UMAD1: variants seen among roughly 807,000 people sequenced by gnomAD.
UMAD1 encodes UBAP1-MVB12-associated (UMA) domain containing 1, also known as UBAP1-MVB12-associated (UMA)-domain containing protein 1.
In UMAD1, 8 loss-of-function variants were observed where a neutral mutation model predicts 6.1. The ratio of observed to expected loss-of-function variants is 1.30; its 90% CI spans 0.76 to 2.35. The LOEUF (loss-of-function observed/expected upper bound fraction) is 2.35, where lower values mean the gene tolerates loss of function less well. UMAD1 is among the 30% of genes most tolerant of loss of function. The pLI is 0.00. For missense variants in UMAD1, 130 were observed against 78.4 expected (o/e 1.66, Z -2.49); for synonymous variants, 56 against 31.4 (o/e 1.78, Z -2.61).
chr7:7,874,009 C>A (rs1274894772), intron 3 of UMAD1, among the ~76,000 whole-genome samples: 1 of 152,180 alleles, frequency 6.6e-6, no homozygotes, highest in Admixed American at 6.5e-5. Context: ...CTGATGTCCG[C>A]TAGGCACTGA....
chr7:7,798,214 C>G (rs1047529446), intron 2 of UMAD1, among the ~76,000 whole-genome samples: 1 of 152,164 alleles, frequency 6.6e-6, no homozygotes, highest in African/African-American at 2.4e-5. Context: ...CTATCTGACC[C>G]TTTACAAAAA....
rs571766505 is a variant in UMAD1 at position 7,830,800 on chromosome 7, A to G, written c.156+29057A>G. 6.6e-6 allele frequency among the ~76,000 whole-genome samples: 1 copy of G among 152,286 alleles called. No homozygotes were observed. The highest frequency in any genetic ancestry group is 1.9e-4 in the East Asian group (1 of 5,190). Reference sequence around the variant, plus strand: ...TTTACTTGCCGATCTTGTATCTTTCAGTACTGGATAAGTGAAGTGAATGTA... The same window carrying G: ...TTTACTTGCCGATCTTGTATCTTTCGGTACTGGATAAGTGAAGTGAATGTA... On this transcript the variant is annotated intron_variant, in intron 3 of 3. Transcript: ENST00000682710. The surrounding 1 kb of genome is among the most constrained non-coding windows in gnomAD (Gnocchi z 5.3).
chr7:7,773,522 C>A (rs1180146913), intron 2 of UMAD1, among the ~76,000 whole-genome samples: 1 of 151,962 alleles, frequency 6.6e-6, no homozygotes, highest in African/African-American at 2.4e-5. Flanking sequence ...TCTACAGTAG[C>A]AAAATGACTT....
At chr7:7,827,289 A>T (rs1783365889) in intron 3 of UMAD1, among the ~76,000 whole-genome samples, 1 of 152,060 alleles carries the variant, frequency 6.6e-6, no homozygotes, top group African/African-American at 2.4e-5. Flanking sequence ...AAAATTCCAG[A>T]TACAAAGAGT....
At chr7:7,671,912 G>T (rs991773524) in intron 1 of UMAD1, among the ~76,000 whole-genome samples, 31 of 152,072 alleles carry the variant, frequency 2.0e-4, no homozygotes, top group African/African-American at 7.5e-4. Flanking sequence ...CATGACTTGT[G>T]TTTTTCTTCT....
chr7:7,694,398 C>T (rs995665409), intron 2 of UMAD1, among the ~76,000 whole-genome samples: 1 of 152,074 alleles, frequency 6.6e-6, no homozygotes, highest in Admixed American at 6.6e-5. Context: ...TGTACCCCCT[C>T]AGTTATTCTA....
At chr7:7,711,033 A>C (rs1780749385) in intron 2 of UMAD1, among the ~76,000 whole-genome samples, 1 of 152,188 alleles carries the variant, frequency 6.6e-6, no homozygotes, top group Non-Finnish European at 1.5e-5. Context: ...CCGGTGGGTA[A>C]GGATGGGGTG....
At chr7:7,649,694 G>C (rs10263636) in intron 1 of UMAD1, among the ~76,000 whole-genome samples, 100,156 of 151,172 alleles carry the variant, frequency 0.66, 33,606 homozygotes, top group East Asian at 0.88. Context: ...TGGTGGGGGG[G>C]CCCACCCTAC....
intron 3 of UMAD1, among the ~76,000 whole-genome samples, chr7:7,841,633 A>T (rs953815752): frequency 2.0e-5 from 3 of 152,198 alleles, no homozygotes; most frequent in African/African-American, 7.2e-5. Flanking sequence ...GTACAATTGC[A>T]TACGAAAATA....
intron 2 of UMAD1, among the ~76,000 whole-genome samples, chr7:7,683,642 A>G (rs1327734249): frequency 1.8e-4 from 27 of 150,910 alleles, no homozygotes; most frequent in Admixed American, 1.5e-3. Context: ...TTTTTTTTAG[A>G]CGGAGTTTTT....
chr7:7,854,279 C>T (rs11984127), intron 3 of UMAD1, among the ~76,000 whole-genome samples: 19,938 of 137,922 alleles, frequency 0.14, 2,118 homozygotes, highest in African/African-American at 0.31. Context: ...TGCTTTAACC[C>T]GGGAGGCAGA....
At chr7:7,762,893 T>C (rs903549358) in intron 2 of UMAD1, among the ~76,000 whole-genome samples, 2 of 152,220 alleles carry the variant, frequency 1.3e-5, no homozygotes, top group Non-Finnish European at 2.9e-5. Context: ...TAAAATGCAT[T>C]GAATAACATT....
intron 2 of UMAD1, among the ~76,000 whole-genome samples, chr7:7,759,390 A>G (rs1781840625): frequency 6.6e-6 from 1 of 152,218 alleles, no homozygotes; most frequent in African/African-American, 2.4e-5. Flanking sequence ...TTCATCCGGC[A>G]TCAGCCTGGA....
intron 2 of UMAD1, among the ~76,000 whole-genome samples, chr7:7,752,050 C>A (rs1040135956): frequency 6.6e-6 from 1 of 151,988 alleles, no homozygotes; most frequent in Non-Finnish European, 1.5e-5. Flanking sequence ...ATTATAGACT[C>A]CTAATTTAGG....
chr7:7,649,289 A>G (rs1222595008), intron 1 of UMAD1, among the ~76,000 whole-genome samples: 1 of 152,206 alleles, frequency 6.6e-6, no homozygotes, highest in Non-Finnish European at 1.5e-5. Context: ...TGAGGAAGAC[A>G]GAAAGGCAAG....
intron 2 of UMAD1, among the ~76,000 whole-genome samples, chr7:7,690,588 T>C (rs559597729): frequency 6.6e-6 from 1 of 152,300 alleles, no homozygotes; most frequent in Admixed American, 6.5e-5. Flanking sequence ...GTTTTAGAGC[T>C]AAAAGGACAT....
intron 3 of UMAD1, among the ~76,000 whole-genome samples, chr7:7,822,885 GT>G (rs1165124976): frequency 6.6e-6 from 1 of 151,448 alleles, no homozygotes; most frequent in African/African-American, 2.4e-5. Context: ...TTGTTAACAA[GT>G]TTTTTTTAGG....
intron 2 of UMAD1, among the ~76,000 whole-genome samples, chr7:7,753,489 T>C (rs116954738): frequency 7.2e-4 from 110 of 152,346 alleles, no homozygotes; most frequent in Non-Finnish European, 1.4e-3. Context: ...ATTGTTTTGA[T>C]TTTGAGATCC....
chr7:7,746,651 C>T (rs1169847593), intron 2 of UMAD1, among the ~76,000 whole-genome samples: 1 of 152,208 alleles, frequency 6.6e-6, no homozygotes, highest in East Asian at 1.9e-4. Flanking sequence ...GCTTTGACTT[C>T]CCTAGAGGAA....
Sources: allele counts gnomAD v4.1 joint callset (sites outside exome capture counted in the v4.1 genomes callset), GRCh38; gene constraint gnomAD v4.1.1; non-coding constraint Gnocchi (gnomAD v3.1); transcripts MANE v1.5; gene names NCBI Gene and HGNC (gene_info 2026-07-23, HGNC 2026-07-21).